The following CCNI variants were observed in gnomAD, a reference collection of about 807,000 sequenced individuals.
CCNI encodes cyclin-I.
A neutral mutation model predicts 34.1 loss-of-function variants in CCNI; 14 were observed. That is an observed-to-expected ratio of 0.41 (90% CI 0.27 to 0.64). CCNI has a LOEUF of 0.64. CCNI is among the 30% of genes least tolerant of loss of function. The probability of loss-of-function intolerance (pLI) is 0.31; values close to 1 mark genes in which losing one functional copy is unlikely to be tolerated. For missense variants in CCNI, 385 were observed against 440.5 expected (o/e 0.87, Z 1.13); for synonymous variants, 154 against 158.4 (o/e 0.97, Z 0.21).
At chr4:77,062,098 T>C (rs1728646884) in intron 2 of CCNI, among the ~76,000 whole-genome samples, 1 of 150,082 alleles carries the variant, frequency 6.7e-6, no homozygotes, top group Admixed American at 6.7e-5. Flanking sequence ...TTGTTCATAT[T>C]GCTCCTACTG....
intron 6 of CCNI, among the ~76,000 whole-genome samples, chr4:77,048,962 GTTTTTTTTT>G (rs538284505): frequency 1.5e-4 from 7 of 47,654 alleles, no homozygotes; most frequent in Middle Eastern, 0.019. Context: ...TCCAACGTCT[GTTTTTTTTT>G]TTTTTTTTTT....
At chr4:77,059,169 G>A (rs1308448821) in intron 2 of CCNI, among the ~76,000 whole-genome samples, 1 of 151,928 alleles carries the variant, frequency 6.6e-6, no homozygotes, top group African/African-American at 2.4e-5. Flanking sequence ...AAAAAATATT[G>A]AACAGGAAAT....
intron 6 of CCNI, 33 bp downstream of exon 6, chr4:77,055,117 A>C: frequency 6.9e-7 from 1 of 1,444,686 alleles, no homozygotes; most frequent in Non-Finnish European, 9.7e-7. Context: ...GAAAAACTTA[A>C]AAAGAACACT....
intron 6 of CCNI, among the ~76,000 whole-genome samples, chr4:77,052,975 G>A (rs943555659): frequency 1.3e-5 from 2 of 152,132 alleles, no homozygotes; most frequent in South Asian, 2.1e-4. Context: ...ATACTACATG[G>A]GGCATATCTC....
Position 77,048,304 on chromosome 4 carries a change from A to T in CCNI, c.1049T>A (p.Val350Glu). Residue 350 changes from valine to glutamate, a missense_variant, in exon 7 of 7, where the codon GTG becomes GAG. Physicochemically the swap from Val to Glu is moderately radical, Grantham distance 121 (BLOSUM62 -2). Transcript: ENST00000237654. ...TAAATCAGTGCCACACACAGAACCC[A>T]CATTTTCTGAGACATTATCTTCATT... ...LYNEDNVSEN[V>E]GSVCGTDLSR... is the part of the protein sequence containing the mutation. 6.2e-7 allele frequency: 1 copy of T among 1,614,044 alleles called. No homozygotes were observed. Among genetic ancestry groups the T allele is most frequent in the Non-Finnish European group, 8.5e-7 (1 of 1,179,980 alleles).
chr4:77,075,548 G>A lies in CCNI; in HGVS notation c.-120C>T, dbSNP rs1475620231. The A allele has an allele frequency of 2.0e-6, 2 of 988,512 alleles. No homozygotes were observed. Among genetic ancestry groups the A allele is most frequent in the African/African-American group, 1.7e-5 (1 of 57,316 alleles). The allele number at this position is 988,512 out of a possible 1,614,324, so 61.2% of individuals were successfully genotyped here. A position where few individuals can be genotyped will look rare whatever the true frequency, so the allele number is the denominator to read the frequency against. On this transcript the variant is annotated 5_prime_UTR_variant, in exon 1 of 7. Transcript: ENST00000237654. Reference sequence around the variant, plus strand: ...ACAGTGGTGACGCGGGGTCATCCGGGGGCCCGTTACCACCTCATTCTCATA... The same window carrying A: ...ACAGTGGTGACGCGGGGTCATCCGGAGGCCCGTTACCACCTCATTCTCATA...
chr4:77,055,015 T>A lies in CCNI; in HGVS notation c.690+135A>T, dbSNP rs1213171880. 3 of 589,052 alleles carry A rather than the reference T, an allele frequency of 5.1e-6. No homozygotes were observed. In the African/African-American group the frequency reaches 5.6e-5, roughly 11 times the overall value. 36.5% of individuals were successfully genotyped at this position (589,052 alleles called of 1,614,324 possible). On this transcript the variant is annotated intron_variant, in intron 6 of 6. Transcript: ENST00000237654. ...TCACCTAGCCCGTAAATTTAAAATA[T>A]ATACTTTACTCTTGTCTACTCTTAA...
At chr4:77,074,005 AG>A (rs1441242968) in intron 1 of CCNI, among the ~76,000 whole-genome samples, 1 of 151,520 alleles carries the variant, frequency 6.6e-6, no homozygotes, top group African/African-American at 2.4e-5. Flanking sequence ...CTTTTTTTCT[AG>A]TTTTTTATTT....
chr4:77,072,638 T>TAAAAAAAAAA (rs61247567), intron 1 of CCNI, among the ~76,000 whole-genome samples: 88 of 101,290 alleles, frequency 8.7e-4, no homozygotes, highest in African/African-American at 1.4e-3. Context: ...CCCAATCTCT[T>TAAAAAAAAAA]AAAAAAAAAA....
chr4:77,056,499 AC>A (rs1728239982), intron 3 of CCNI, 176 bp from the exon 4 acceptor site: 9 of 587,028 alleles, frequency 1.5e-5, no homozygotes, highest in Non-Finnish European at 2.8e-5. Context: ...AACTTTAAGA[AC>A]AGGAAAGAAA....
intron 6 of CCNI, among the ~76,000 whole-genome samples, chr4:77,053,446 G>GAA (rs61202602): frequency 0.058 from 8,738 of 151,692 alleles, 849 homozygotes; most frequent in African/African-American, 0.2. Context: ...CAGCTAAGAA[G>GAA]AAAAAAAAGT....
In CCNI at chr4:77,075,565, A is replaced by C. The variant is rs1729874057; in HGVS notation, c.-137T>G. 1.0e-6 allele frequency: 1 copy of C among 988,280 alleles called. No individual in the cohort carries two copies. Among genetic ancestry groups the C allele is most frequent in the Non-Finnish European group, 1.2e-6 (1 of 830,598 alleles). The allele number at this position is 988,280 out of a possible 1,614,324, so 61.2% of individuals were successfully genotyped here. ...TCATCCGGGGGCCCGTTACCACCTC[A>C]TTCTCATAGGCGCGCGGAGGCGGTG... On this transcript the variant is annotated 5_prime_UTR_variant, in exon 1 of 7. The change abolishes an upstream ATG in the 5' untranslated region. Transcript: ENST00000237654.
chr4:77,052,834 C>T (rs1406622057), intron 6 of CCNI, among the ~76,000 whole-genome samples: 2 of 152,114 alleles, frequency 1.3e-5, no homozygotes, highest in Non-Finnish European at 2.9e-5. Flanking sequence ...GAAATGAGTC[C>T]TAAAGAACTA....
At chr4:77,072,654 A>G (rs56330023) in intron 1 of CCNI, among the ~76,000 whole-genome samples, 2,923 of 134,908 alleles carry the variant, frequency 0.022, 116 homozygotes, top group African/African-American at 0.07. Flanking sequence ...AAAAAAAAAA[A>G]AAAAAAAGAA....
At chr4:77,056,586 C>CTTTT (rs35437385) in intron 3 of CCNI, 42 of 161,382 alleles carry the variant, frequency 2.6e-4, no homozygotes, top group Middle Eastern at 2.9e-3. Flanking sequence ...CTAGAGCTAA[C>CTTTT]TTTTTTTTTT....
At chr4:77,059,058 C>T (rs1728426605) in intron 2 of CCNI, among the ~76,000 whole-genome samples, 2 of 151,918 alleles carry the variant, frequency 1.3e-5, no homozygotes, top group African/African-American at 4.8e-5. Context: ...TATAAATGAA[C>T]TATGATAATG....
Position 77,061,185 on chromosome 4 carries a change from C to T in CCNI, c.115-2550G>A, listed in dbSNP as rs188135111. 6.7e-3 allele frequency among the ~76,000 whole-genome samples: 1,020 copies of T among 152,262 alleles called. 5 individuals are homozygous for T. The highest frequency in any genetic ancestry group is 0.011 in the Non-Finnish European group (730 of 68,032). ...TCCAAAAGATAACAGTTTAAGAAGA[C>T]TCAATTTAACTGAAGTAATACTGAG... is the stretch of plus-strand genomic sequence containing the variant. On this transcript the variant is annotated intron_variant, in intron 2 of 6. Coordinates refer to ENST00000237654, the MANE Select transcript of CCNI (RefSeq NM_006835.3).
At position 77,067,720 on chromosome 4, in the gene CCNI, C is replaced by T. The variant is rs531431661; in HGVS notation, c.-43-1315G>A. Among the ~76,000 whole-genome samples, 92 of 142,300 alleles carry T rather than the reference C, an allele frequency of 6.5e-4. 1 individual carries two copies. The highest frequency in any genetic ancestry group is 2.4e-3 in the African/African-American group (92 of 37,846). The allele number at this position is 142,300 out of a possible 152,430, so 93.4% of individuals were successfully genotyped here. A position where few individuals can be genotyped will look rare whatever the true frequency, so the allele number is the denominator to read the frequency against. ...TTTTGCTATGTTGCCCAGCCTCACG[C>T]AGTCCTCCTGGCTTGGCCTCCCAAA... is the stretch of plus-strand genomic sequence containing the variant. On this transcript the variant is annotated intron_variant, in intron 1 of 6. Transcript: ENST00000237654.
chr4:77,063,272 A>T (rs1337340057), intron 2 of CCNI, among the ~76,000 whole-genome samples: 1 of 150,800 alleles, frequency 6.6e-6, no homozygotes, highest in Admixed American at 6.7e-5. Flanking sequence ...GCTTAAAAAT[A>T]TCTTACTTTT....
Sources: allele counts gnomAD v4.1 joint callset (sites outside exome capture counted in the v4.1 genomes callset), GRCh38; gene constraint gnomAD v4.1.1; transcripts MANE v1.5; gene names NCBI Gene and HGNC (gene_info 2026-07-23, HGNC 2026-07-21).